APOL3: variants seen among roughly 807,000 people sequenced by gnomAD.
APOL3 encodes TNF-inducible protein CG12-1.
APOL3 carries 14 observed loss-of-function variants against 11.6 expected under a neutral mutation model. The ratio of observed to expected loss-of-function variants is 1.21; its 90% CI spans 0.80 to 1.89. The LOEUF (loss-of-function observed/expected upper bound fraction) is 1.89. Ranked by LOEUF, APOL3 falls within the 40% of genes most tolerant of loss-of-function variation. APOL3 has a pLI of 0.00. For missense variants in APOL3, 483 were observed against 492.1 expected, an observed-to-expected ratio of 0.98 and a Z score of 0.17; for synonymous variants, 192 against 190.6, an observed-to-expected ratio of 1.01 and a Z score of -0.06.
chr22:36,143,199 G>A lies in APOL3; in HGVS notation c.351-1141C>T, dbSNP rs528102066. Among the ~76,000 whole-genome samples the A allele has an allele frequency of 5.8e-3, 881 of 152,338 alleles. 2 individuals carry two copies. Among genetic ancestry groups the A allele is most frequent in the Non-Finnish European group, 8.8e-3 (602 of 68,040 alleles). ...CACAGGAATTTTTCCTTAACTGGGT[G>A]AGCTTCTCTGGTTGGCAACACCCCA... On this transcript the variant is annotated intron_variant, in intron 2 of 2. Transcript: ENST00000349314.
At chr22:36,144,185 G>T (rs1407832968) in intron 2 of APOL3, among the ~76,000 whole-genome samples, 1 of 152,006 alleles carries the variant, frequency 6.6e-6, no homozygotes, top group Non-Finnish European at 1.5e-5. Flanking sequence ...CCACTCACTG[G>T]TCCTCTGCAA....
At chr22:36,164,866 A>G (rs1211644079), upstream of APOL3, 1 of 152,206 alleles carries the variant, frequency 6.6e-6, no homozygotes, top group African/African-American at 2.4e-5. Flanking sequence ...TCTGTCAAGT[A>G]CTGCCTGTGT....
chr22:36,156,065 G>T, intron 1 of APOL3: 3 of 213,910 alleles, frequency 1.4e-5, no homozygotes, highest in Non-Finnish European at 9.9e-6. Context: ...GGAGAGAGGG[G>T]TGAAGACACC....
At chr22:36,147,974 G>A (rs570955046) in intron 1 of APOL3, among the ~76,000 whole-genome samples, 27 of 152,274 alleles carry the variant, frequency 1.8e-4, no homozygotes, top group East Asian at 7.7e-4. Context: ...GCTGACAGAC[G>A]GGTACACGAC....
intron 2 of APOL3, among the ~76,000 whole-genome samples, chr22:36,143,729 A>G (rs1367416187): frequency 6.6e-6 from 1 of 152,198 alleles, no homozygotes; most frequent in African/African-American, 2.4e-5. Context: ...GGCACCTCCA[A>G]GCTTCAGGGT....
chr22:36,152,553 T>C (rs1480843458), intron 1 of APOL3, among the ~76,000 whole-genome samples: 2 of 152,286 alleles, frequency 1.3e-5, no homozygotes, highest in African/African-American at 4.8e-5. Context: ...CAAGAAATAC[T>C]GGCTACAGTT....
intron 2 of APOL3, among the ~76,000 whole-genome samples, chr22:36,143,086 C>G (rs1335053630): frequency 3.3e-5 from 5 of 152,206 alleles, no homozygotes; most frequent in African/African-American, 7.2e-5. Context: ...TGTGACTCCC[C>G]CTCTGTCTTT....
At chr22:36,149,774 C>A in intron 1 of APOL3, 1 of 453,238 alleles carries the variant, frequency 2.2e-6, no homozygotes, top group South Asian at 1.6e-5. Flanking sequence ...TGCATACATG[C>A]TTATTGTAAA....
intron 1 of APOL3, among the ~76,000 whole-genome samples, chr22:36,151,643 T>C (rs2011684712): frequency 6.6e-6 from 1 of 152,112 alleles, no homozygotes; most frequent in Admixed American, 6.5e-5. Flanking sequence ...AAAGTTACCA[T>C]ACATAATAAT....
chr22:36,164,124 A>G (rs1426955955), upstream of APOL3, among the ~76,000 whole-genome samples: 1 of 152,122 alleles, frequency 6.6e-6, no homozygotes, highest in African/African-American at 2.4e-5. Flanking sequence ...TTTTTTTCCA[A>G]CACCCATATT....
Position 36,142,005 on chromosome 22 carries a change from G to A in APOL3, c.404C>T (p.Ala135Val), listed in dbSNP as rs6000152. The A allele has an allele frequency of 4.3e-3, 6,950 of 1,614,086 alleles. 191 individuals carry two copies. The African/African-American group carries it at 0.072, about 17-fold the overall frequency. ...CTGCTGCACATATTCGTCCTCAATAGCTGCATATGTTCTAAGCTTCTTCAG... is the reference window on the plus strand; with the variant it reads ...CTGCTGCACATATTCGTCCTCAATAACTGCATATGTTCTAAGCTTCTTCAG... The change falls in exon 3 of 3, where the codon GCT becomes GTT. Residue 135 changes from alanine (A) to valine (V), a missense_variant. By Grantham distance (64) the Ala-to-Val change is moderately conservative. Coordinates refer to ENST00000349314, the Ensembl canonical transcript of APOL3.
rs370992398 is a variant in APOL3, at chr22:36,149,005, C to T, written c.224-3406G>A. On this transcript the variant is annotated intron_variant, in intron 1 of 2. Transcript: ENST00000349314. ...GAAACGCCACCCTCCATTCTAGGTG[C>T]GAGTAGGAACCAGCCAGGGAAGAGG... The T allele has an allele frequency of 8.0e-5, 109 of 1,365,446 alleles. 2 individuals are homozygous for T. In the South Asian group the frequency reaches 8.9e-4, roughly 11 times the overall value. 84.6% of individuals were successfully genotyped at this position (1,365,446 alleles called of 1,614,324 possible). A position where few individuals can be genotyped will look rare whatever the true frequency, so the allele number is the denominator to read the frequency against.
At chr22:36,144,266 C>G (rs553653177) in intron 2 of APOL3, among the ~76,000 whole-genome samples, 62 of 152,152 alleles carry the variant, frequency 4.1e-4, no homozygotes, top group African/African-American at 1.3e-3. Flanking sequence ...CCTTGGTGCC[C>G]GAGCCTTCCT....
At chr22:36,153,041 G>A (rs778492260) in intron 1 of APOL3, among the ~76,000 whole-genome samples, 14 of 152,130 alleles carry the variant, frequency 9.2e-5, no homozygotes, top group African/African-American at 3.1e-4. Flanking sequence ...AACCCAGGAG[G>A]TGGAGTTTGT....
rs766248291 is a variant in APOL3 at position 36,141,689 on chromosome 22, C to T, written c.720G>A (p.Val240=). The T allele has an allele frequency of 1.1e-5, 17 of 1,614,064 alleles. No homozygotes were observed. In the South Asian group the frequency reaches 1.8e-4, roughly 17 times the overall value. Residue 240 remains valine, a synonymous_variant, in exon 3 of 3, where the codon GTG becomes GTA. Coordinates refer to ENST00000349314, the Ensembl canonical transcript of APOL3. ...CTGCTGATGATGTGTATGAGTGCTC[C>T]ACGATGCTGGTGGTGATCCCAGTCA...
At chr22:36,141,381 G>T in exon 3 of APOL3, 1 of 1,614,184 alleles carries the variant, frequency 6.2e-7, no homozygotes, top group South Asian at 1.1e-5. Flanking sequence ...GCCTGAAGTG[G>T]TCGCACTCAG....
intron 1 of APOL3, chr22:36,149,808 T>C (rs1196846557): frequency 4.4e-6 from 2 of 455,980 alleles, no homozygotes; most frequent in Non-Finnish European, 8.8e-6. Context: ...CAAATCTGTG[T>C]CTTGCACTCT....
upstream of APOL3, among the ~76,000 whole-genome samples, chr22:36,161,109 A>C (rs578009317): frequency 6.6e-6 from 1 of 152,208 alleles, no homozygotes; most frequent in African/African-American, 2.4e-5. Context: ...CACTCCCTCC[A>C]TGCCATCAGC....
At chr22:36,151,984 G>A (rs2011783656) in intron 1 of APOL3, among the ~76,000 whole-genome samples, 1 of 146,292 alleles carries the variant, frequency 6.8e-6, no homozygotes, top group Non-Finnish European at 1.5e-5. Context: ...GAGGAAGAAT[G>A]TGAGTGTGTG....
Sources: allele counts gnomAD v4.1 joint callset (sites outside exome capture counted in the v4.1 genomes callset), GRCh38; gene constraint gnomAD v4.1.1; transcripts MANE v1.5; gene names NCBI Gene and HGNC (gene_info 2026-07-23, HGNC 2026-07-21).